CNKSR1: variants seen among roughly 807,000 people sequenced by gnomAD.
The protein encoded by CNKSR1 is connector enhancer of kinase suppressor of Ras 1.
In CNKSR1, 88 loss-of-function variants were observed where a neutral mutation model predicts 95.6. The observed-to-expected ratio is 0.92, with a 90% confidence interval of 0.78 to 1.10. The LOEUF is 1.10. Ranked by LOEUF, CNKSR1 falls within the 50% of genes least tolerant of loss-of-function variation. The probability of loss-of-function intolerance (pLI) is 0.00; values close to 1 mark genes in which losing one functional copy is unlikely to be tolerated. For missense variants in CNKSR1, 836 were observed against 912.0 expected (o/e 0.92, Z 1.07); for synonymous variants, 355 against 369.7 (o/e 0.96, Z 0.46).
At chr1:26,185,479 A>G (rs1024846855) in intron 14 of CNKSR1, among the ~76,000 whole-genome samples, 3 of 146,574 alleles carry the variant, frequency 2.0e-5, no homozygotes, top group Admixed American at 7.0e-5. Context: ...TGCAAGCTCT[A>G]CCTTCCGGGT....
rs1211337414 is a variant in CNKSR1 at position 26,180,756 on chromosome 1, G to A, written c.252G>A (p.Glu84=). The change falls in exon 3 of 21, where the codon GAG becomes GAA. Residue 84 remains glutamate, a synonymous_variant. Coordinates refer to ENST00000361530, the MANE Select transcript of CNKSR1 (RefSeq NM_006314.3). ...LQTENLQSLT[E]GLLGATHDFQ... ...CAGAGAACCTGCAAAGCCTGACAGAGGGACTTCTGGGGGCAACCCATGACT... is the reference window on the plus strand; with the variant it reads ...CAGAGAACCTGCAAAGCCTGACAGAAGGACTTCTGGGGGCAACCCATGACT... The A allele has an allele frequency of 3.1e-6, 5 of 1,614,116 alleles. No homozygotes were observed. In the African/African-American group the frequency reaches 6.7e-5, roughly 22 times the overall value.
intron 4 of CNKSR1, 127 bp downstream of exon 4, chr1:26,182,068 A>AG: frequency 1.1e-6 from 1 of 946,830 alleles, no homozygotes; most frequent in South Asian, 1.3e-5. Context: ...GGAGGAGAGG[A>AG]GGCCCTGCCA....
chr1:26,184,645 CCT>C, intron 13 of CNKSR1, 33 bp downstream of exon 13: 1 of 1,578,896 alleles, frequency 6.3e-7, no homozygotes, highest in Middle Eastern at 1.8e-4. Flanking sequence ...TGGGGGTTCC[CCT>C]GTTTGAGGAG....
chr1:26,177,976 A>G (rs1245456803), intron 1 of CNKSR1, among the ~76,000 whole-genome samples: 3 of 152,072 alleles, frequency 2.0e-5, no homozygotes, highest in African/African-American at 7.2e-5. Context: ...AAAAGAAAAA[A>G]AAAAATAATA....
At chr1:26,182,693 C>T in intron 6 of CNKSR1, 109 bp downstream of exon 6, 2 of 1,034,640 alleles carry the variant, frequency 1.9e-6, no homozygotes, top group African/African-American at 1.6e-5. Context: ...GGCTGGAAAG[C>T]CTTTTTTGTA....
Position 26,184,401 on chromosome 1 carries a change from ACT to A in CNKSR1, c.1004_1005del (p.Ser335CysfsTer6), listed in dbSNP as rs766036204. ...CCTCTCTCTCCTCCCTCCCTGACAGACTCTGCCTCCCTTGGCCCTGAGCCCCT... is the reference window on the plus strand; with the variant it reads ...CCTCTCTCTCCTCCCTCCCTGACAGACTGCCTCCCTTGGCCCTGAGCCCCT... On this transcript the variant is annotated frameshift_variant and splice_region_variant, in exon 12 of 21. Transcript: ENST00000361530. LOFTEE classifies it high-confidence loss of function. 17 of 1,611,126 alleles carry A rather than the reference ACT, an allele frequency of 1.1e-5. No homozygotes were observed. In the South Asian group the frequency reaches 1.8e-4, roughly 17 times the overall value.
rs576544983 is a variant in CNKSR1, at chr1:26,187,872, C to T, written c.1455-362C>T. On this transcript the variant is annotated intron_variant, in intron 16 of 20. Coordinates refer to ENST00000361530, the MANE Select transcript of CNKSR1 (RefSeq NM_006314.3). Reference sequence around the variant, plus strand: ...TCCTGACCTTGTGATCCGCCTGCCTCGGCCTCCCAAAGAGCTGGGATTACA... The same window carrying T: ...TCCTGACCTTGTGATCCGCCTGCCTTGGCCTCCCAAAGAGCTGGGATTACA... Among the ~76,000 whole-genome samples the T allele has an allele frequency of 7.2e-5, 11 of 152,048 alleles. No homozygotes were observed. In the East Asian group the frequency reaches 1.4e-3, roughly 19 times the overall value.
Position 26,185,028 on chromosome 1 carries a change from C to A in CNKSR1, c.1150C>A (p.Leu384Met). ...RKKSKGLATR[L>M]SRRRVSCREL... ...TGCTGCTACAGGCCTGGCGACCCGGCTGAGCCGCCGGCGGGTGTCATGCCG... is the reference window on the plus strand; with the variant it reads ...TGCTGCTACAGGCCTGGCGACCCGGATGAGCCGCCGGCGGGTGTCATGCCG... The change falls in exon 14 of 21, where the codon CTG (leucine) becomes ATG (methionine). Residue 384 changes from leucine (L) to methionine (M), a missense_variant. Transcript: ENST00000361530. 1 of 1,599,610 alleles carries A rather than the reference C, an allele frequency of 6.3e-7. No individual in the cohort carries two copies.
In CNKSR1 at chr1:26,184,097, G is replaced by T; in HGVS notation, c.882G>T (p.Pro294=). ...PQTPPQVLDS[P]HQRSPSLSLA... ...CGCCCCCTCAGGTCCTGGACTCCCC[G>T]CACCAGAGGAGCCCATCACTGTCTC... Residue 294 remains proline (P), a synonymous_variant, in exon 10 of 21, where the codon CCG becomes CCT. Coordinates refer to ENST00000361530, the MANE Select transcript of CNKSR1 (RefSeq NM_006314.3). The T allele has an allele frequency of 1.2e-6, 2 of 1,607,432 alleles. No individual in the cohort carries two copies. Among genetic ancestry groups the T allele is most frequent in the Non-Finnish European group, 1.7e-6 (2 of 1,178,540 alleles).
At chr1:26,186,233 G>C (rs2088748772) in intron 14 of CNKSR1, among the ~76,000 whole-genome samples, 1 of 152,230 alleles carries the variant, frequency 6.6e-6, no homozygotes, top group Non-Finnish European at 1.5e-5. Flanking sequence ...GAAAGCTCAG[G>C]GGTGTGAAGC....
rs1437741194 is a variant in CNKSR1, at chr1:26,189,467, C to T, written c.2061C>T (p.His687=). The change falls in exon 21 of 21, where the codon CAC becomes CAT. Residue 687 remains histidine (H), a synonymous_variant. Transcript: ENST00000361530. ...LTSDSTEQSP[H]SLPSDPEEHS... is the part of the protein sequence containing the mutation. The stretch of plus-strand genomic sequence containing the variant: ...CTGACTCCACAGAACAGTCCCCCCA[C>T]TCCCTGCCCTCTGACCCTGAAGAGC... 9 of 1,614,046 alleles carry T rather than the reference C, an allele frequency of 5.6e-6. No homozygotes were observed. The highest frequency in any genetic ancestry group is 1.1e-5 in the South Asian group (1 of 91,074).
intron 3 of CNKSR1, 117 bp from the exon 4 acceptor site, chr1:26,181,740 C>T (rs1003514574): frequency 3.0e-6 from 3 of 986,594 alleles, no homozygotes; most frequent in Non-Finnish European, 4.8e-6. Flanking sequence ...TACTCTAAAC[C>T]AAAACCCATC....
chr1:26,185,255 C>T, intron 14 of CNKSR1, 69 bp downstream of exon 14: 1 of 1,450,194 alleles, frequency 6.9e-7, no homozygotes, highest in East Asian at 2.5e-5. Context: ...CATCTCTATT[C>T]TATCATCCAC....
At chr1:26,181,280 C>CAAAA (rs11392737) in intron 3 of CNKSR1, among the ~76,000 whole-genome samples, 16 of 49,136 alleles carry the variant, frequency 3.3e-4, no homozygotes, top group African/African-American at 8.4e-4. Context: ...GACTCCCTCT[C>CAAAA]AAAAAAAAAA....
Position 26,188,514 on chromosome 1 carries a change from G to A in CNKSR1, c.1590+11G>A, listed in dbSNP as rs761806975. The A allele has an allele frequency of 2.4e-4, 387 of 1,601,220 alleles. No individual in the cohort carries two copies. The highest frequency in any genetic ancestry group is 3.1e-4 in the Non-Finnish European group (369 of 1,174,370). On this transcript the variant is annotated intron_variant, in intron 18 of 20. Coordinates refer to ENST00000361530, the MANE Select transcript of CNKSR1 (RefSeq NM_006314.3). ...TCCCACTCAGCCTCGGTGAGTGGGG[G>A]GCTGCCGGGGGTAGGAGGTGGGGAT...
rs2088725235 is a variant in CNKSR1, at chr1:26,185,110, G to T, written c.1232G>T (p.Gly411Val). ...CTCCTGTTGCGAAAGGCACCGGGCG[G>T]CTTCATGGGCCCGCGCTGGCGCCGC... ...GWLLLRKAPG[G>V]FMGPRWRRRW... The change falls in exon 14 of 21, where the codon GGC becomes GTC. Residue 411 changes from glycine (G) to valine (V), a missense_variant. Coordinates refer to ENST00000361530, the MANE Select transcript of CNKSR1 (RefSeq NM_006314.3). 6.2e-7 allele frequency: 1 copy of T among 1,600,428 alleles called. No homozygotes were observed. Among genetic ancestry groups the T allele is most frequent in the East Asian group, 2.3e-5 (1 of 44,336 alleles).
intron 8 of CNKSR1, 56 bp from the exon 9 acceptor site, chr1:26,183,673 G>T: frequency 7.7e-7 from 1 of 1,298,722 alleles, no homozygotes; most frequent in South Asian, 1.2e-5. Flanking sequence ...GAGAGTTGGT[G>T]GTTGCTTTAG....
Position 26,189,580 on chromosome 1 carries a change from A to T in CNKSR1, c.*32A>T. On this transcript the variant is annotated 3_prime_UTR_variant, in exon 21 of 21. Transcript: ENST00000361530. ...CCAGCACTCTAGCTCCTGACCTTTG[A>T]CCCGAGGGCCACCTCAACCCCAGCT... is the stretch of plus-strand genomic sequence containing the variant. The T allele has an allele frequency of 9.0e-7, 1 of 1,110,314 alleles. No homozygotes were observed. Among genetic ancestry groups the T allele is most frequent in the Non-Finnish European group, 1.4e-6 (1 of 720,174 alleles). The allele number at this position is 1,110,314 out of a possible 1,614,324, so 68.8% of individuals were successfully genotyped here. A position where few individuals can be genotyped will look rare whatever the true frequency, so the allele number is the denominator to read the frequency against.
At chr1:26,186,537 C>T (rs2088754277) in intron 14 of CNKSR1, among the ~76,000 whole-genome samples, 1 of 152,154 alleles carries the variant, frequency 6.6e-6, no homozygotes, top group East Asian at 1.9e-4. Flanking sequence ...TGCAGTGGCG[C>T]AATCGCAGCT....
Sources: allele counts gnomAD v4.1 joint callset (sites outside exome capture counted in the v4.1 genomes callset), GRCh38; gene constraint gnomAD v4.1.1; transcripts MANE v1.5; gene names NCBI Gene and HGNC (gene_info 2026-07-23, HGNC 2026-07-21).